MRPL48: variants seen among roughly 807,000 people sequenced by gnomAD.
MRPL48 encodes the protein large ribosomal subunit protein mL48.
Under a neutral mutation model 32.9 loss-of-function variants are expected in MRPL48, and 16 were observed. The ratio of observed to expected loss-of-function variants is 0.49; its 90% CI spans 0.33 to 0.74. The LOEUF (loss-of-function observed/expected upper bound fraction) is 0.74, where lower values mean the gene tolerates loss of function less well. Among genes scored for constraint, MRPL48 ranks in the 30% least tolerant of loss-of-function variants. MRPL48 has a pLI of 0.02. For synonymous variants in MRPL48, 94 were observed against 89.2 expected, an observed-to-expected ratio of 1.05 and a Z score of -0.31; for missense variants, 206 against 245.3, an observed-to-expected ratio of 0.84 and a Z score of 1.07.
intron 6 of MRPL48, among the ~76,000 whole-genome samples, chr11:73,861,535 A>G (rs981441862): frequency 6.6e-6 from 1 of 151,914 alleles, no homozygotes; most frequent in Non-Finnish European, 1.5e-5. Context: ...ATGCCCAGCT[A>G]ATTTTGTATT....
chr11:73,855,133 C>G (rs753316700), intron 5 of MRPL48, among the ~76,000 whole-genome samples: 1 of 152,088 alleles, frequency 6.6e-6, no homozygotes, highest in Non-Finnish European at 1.5e-5. Flanking sequence ...TTGCCCTATT[C>G]CTACACCTAA....
At chr11:73,811,774 A>C (rs1368530281) in intron 3 of MRPL48, among the ~76,000 whole-genome samples, 1 of 152,080 alleles carries the variant, frequency 6.6e-6, no homozygotes, top group Admixed American at 6.6e-5. Flanking sequence ...TTTTGCACCA[A>C]CCTAATACTA....
chr11:73,790,769 C>T (rs1039656188), intron 1 of MRPL48, among the ~76,000 whole-genome samples: 2 of 151,706 alleles, frequency 1.3e-5, no homozygotes, highest in Admixed American at 6.6e-5. Context: ...TCAAGCAGTC[C>T]TCCCACCTTG....
chr11:73,854,817 G>C (rs1378857775), intron 5 of MRPL48, among the ~76,000 whole-genome samples: 1 of 152,196 alleles, frequency 6.6e-6, no homozygotes, highest in African/African-American at 2.4e-5. Context: ...CCTACTATCA[G>C]TGAGGCACTC....
At chr11:73,853,680 C>CTTTTTT (rs58486952) in intron 5 of MRPL48, among the ~76,000 whole-genome samples, 6 of 79,122 alleles carry the variant, frequency 7.6e-5, no homozygotes, top group Non-Finnish European at 9.6e-5. Context: ...GAGATAGCTT[C>CTTTTTT]TTTTTTTTTT....
intron 4 of MRPL48, among the ~76,000 whole-genome samples, chr11:73,843,951 C>A (rs572217246): frequency 3.9e-5 from 6 of 152,070 alleles, no homozygotes; most frequent in African/African-American, 1.4e-4. Context: ...TGGTAGCAGG[C>A]ACCTGTAATC....
intron 4 of MRPL48, among the ~76,000 whole-genome samples, chr11:73,828,227 CTTT>C (rs34182477): frequency 7.6e-6 from 1 of 131,950 alleles, no homozygotes. Context: ...CAAAATAATT[CTTT>C]TTTTTTTTTT....
At chr11:73,812,314 A>G (rs1590949012) in intron 3 of MRPL48, among the ~76,000 whole-genome samples, 1 of 152,218 alleles carries the variant, frequency 6.6e-6, no homozygotes, top group Non-Finnish European at 1.5e-5. Flanking sequence ...AATGCTGGAC[A>G]TTTAGGTCGT....
At chr11:73,801,271 T>C (rs1279173547) in intron 1 of MRPL48, among the ~76,000 whole-genome samples, 1 of 152,108 alleles carries the variant, frequency 6.6e-6, no homozygotes, top group Admixed American at 6.6e-5. Flanking sequence ...TAAAAATATA[T>C]TCTGTTCACT....
chr11:73,818,654 A>ATAACCTG, intron 3 of MRPL48, among the ~76,000 whole-genome samples: 2 of 152,296 alleles, frequency 1.3e-5, no homozygotes, highest in East Asian at 3.9e-4. Context: ...AGTGGAGAGA[A>ATAACCTG]TAACCTGTAA....
At chr11:73,800,810 CTTTT>C (rs1223951183) in intron 1 of MRPL48, among the ~76,000 whole-genome samples, 2 of 132,880 alleles carry the variant, frequency 1.5e-5, no homozygotes. Context: ...TTTTCTTTTT[CTTTT>C]TTTTTTTTTT....
chr11:73,797,530 G>A (rs7937366), intron 1 of MRPL48, among the ~76,000 whole-genome samples: 21,714 of 152,176 alleles, frequency 0.14, 1,623 homozygotes, highest in African/African-American at 0.16. Context: ...TGAGCGCCAC[G>A]TGTTCCCCAG....
chr11:73,804,341 A>G (rs1947412855), intron 1 of MRPL48, among the ~76,000 whole-genome samples: 1 of 151,422 alleles, frequency 6.6e-6, no homozygotes, highest in African/African-American at 2.4e-5. Flanking sequence ...CAGTGGCGCA[A>G]TCTCTGCTCA....
chr11:73,839,855 C>T (rs555052706), intron 4 of MRPL48, among the ~76,000 whole-genome samples: 21 of 152,150 alleles, frequency 1.4e-4, no homozygotes, highest in Non-Finnish European at 2.1e-4. Flanking sequence ...CCCAGCACTT[C>T]GGGAGGCTGA....
intron 5 of MRPL48, among the ~76,000 whole-genome samples, chr11:73,849,463 T>C (rs1441019199): frequency 6.6e-6 from 1 of 152,194 alleles, no homozygotes; most frequent in Non-Finnish European, 1.5e-5. Flanking sequence ...GTTCTGTCCT[T>C]ATAGTTTTGC....
intron 3 of MRPL48, among the ~76,000 whole-genome samples, chr11:73,819,770 AC>A (rs1283909342): frequency 6.6e-6 from 1 of 152,104 alleles, no homozygotes; most frequent in Non-Finnish European, 1.5e-5. Context: ...GTGGTGGCAC[AC>A]CCTGTAGTCC....
intron 4 of MRPL48, among the ~76,000 whole-genome samples, chr11:73,826,879 C>T (rs1947905222): frequency 6.7e-6 from 1 of 148,832 alleles, no homozygotes; most frequent in African/African-American, 2.5e-5. Context: ...TGGGTTCAAA[C>T]GATTCTCCCG....
At chr11:73,832,216 T>C (rs931122688) in intron 4 of MRPL48, among the ~76,000 whole-genome samples, 1 of 152,152 alleles carries the variant, frequency 6.6e-6, no homozygotes, top group African/African-American at 2.4e-5. Context: ...ACTCAGACAA[T>C]TTTCTTCCTC....
intron 3 of MRPL48, among the ~76,000 whole-genome samples, chr11:73,818,751 A>G (rs968103375): frequency 2.0e-5 from 3 of 152,184 alleles, no homozygotes; most frequent in Non-Finnish European, 4.4e-5. Context: ...TTTCTGAATG[A>G]GAAATAATTA....
Sources: allele counts gnomAD v4.1 joint callset (sites outside exome capture counted in the v4.1 genomes callset), GRCh38; gene constraint gnomAD v4.1.1; transcripts MANE v1.5; gene names NCBI Gene and HGNC (gene_info 2026-07-23, HGNC 2026-07-21).